CCDC175: variants seen among roughly 807,000 people sequenced by gnomAD.
CCDC175 encodes the protein coiled-coil domain containing 175.
Under a neutral mutation model 114.6 loss-of-function variants are expected in CCDC175, and 100 were observed. That is an observed-to-expected ratio of 0.87 (90% CI 0.74 to 1.03). CCDC175 has a LOEUF of 1.03. Ranked by LOEUF, CCDC175 falls within the 50% of genes least tolerant of loss-of-function variation. The pLI is 0.00. For synonymous variants in CCDC175, 306 were observed against 308.7 expected (o/e 0.99, Z 0.09); for missense variants, 880 against 917.8 (o/e 0.96, Z 0.53).
chr14:59,550,720 A>G (rs1299767219), intron 8 of CCDC175, among the ~76,000 whole-genome samples: 1 of 152,168 alleles, frequency 6.6e-6, no homozygotes, highest in African/African-American at 2.4e-5. Context: ...CCAGCATGGG[A>G]GAAAGATGTA....
At chr14:59,511,101 AC>A (rs1417714514) in intron 18 of CCDC175, among the ~76,000 whole-genome samples, 1 of 152,212 alleles carries the variant, frequency 6.6e-6, no homozygotes, top group South Asian at 2.1e-4. Context: ...TCAGAGAAGC[AC>A]AGAGCTGAAG....
At chr14:59,551,158 C>T (rs907404947) in intron 8 of CCDC175, 197 bp downstream of exon 8, 10 of 397,450 alleles carry the variant, frequency 2.5e-5, no homozygotes, top group Admixed American at 4.6e-5. Flanking sequence ...TTCCTCTGTA[C>T]ATGGACAACC....
chr14:59,554,226 T>C (rs1463480824), intron 7 of CCDC175, among the ~76,000 whole-genome samples: 3 of 152,228 alleles, frequency 2.0e-5, no homozygotes, highest in Admixed American at 1.3e-4. Flanking sequence ...TAAAGCAATC[T>C]TCAGCAAATG....
Position 59,538,158 on chromosome 14 carries a change from AT to A in CCDC175, c.1492-5del. On this transcript the variant is annotated splice_region_variant and splice_polypyrimidine_tract_variant and intron_variant, in intron 12 of 19. Coordinates refer to ENST00000537690, the MANE Select transcript of CCDC175 (RefSeq NM_001164399.2). ...TCTCCTGTTGTCTGAAACTGGTCTA[AT>A]TAGAGAAAAATAAGAATTTGTCATT... is the stretch of plus-strand genomic sequence containing the variant. 1 of 1,529,782 alleles carries A rather than the reference AT, an allele frequency of 6.5e-7. No individual in the cohort carries two copies. 94.8% of individuals were successfully genotyped at this position (1,529,782 alleles called of 1,614,324 possible). A position where few individuals can be genotyped will look rare whatever the true frequency, so the allele number is the denominator to read the frequency against.
chr14:59,523,323 A>C (rs909051744), intron 16 of CCDC175, among the ~76,000 whole-genome samples: 12 of 152,188 alleles, frequency 7.9e-5, no homozygotes, highest in African/African-American at 2.9e-4. Context: ...CTATTATGCC[A>C]TTTTAGTTTA....
In CCDC175 at chr14:59,527,137, A is replaced by G. The variant is rs17834184; in HGVS notation, c.1800T>C (p.Ile600=). The G allele has an allele frequency of 0.045, 67,136 of 1,496,292 alleles. 2,032 individuals carry two copies. Among genetic ancestry groups the G allele is most frequent in the African/African-American group, 0.1 (7,188 of 70,920 alleles). 92.7% of individuals were successfully genotyped at this position (1,496,292 alleles called of 1,614,324 possible). A position where few individuals can be genotyped will look rare whatever the true frequency, so the allele number is the denominator to read the frequency against. The change falls in exon 15 of 20, where the codon ATT becomes ATC. Residue 600 remains isoleucine, a synonymous_variant. Coordinates refer to ENST00000537690, the MANE Select transcript of CCDC175 (RefSeq NM_001164399.2). ...RQEEDLLNNH[I]FLFTRDFSRY... ...TTGAAAAGTCCCTTGTAAACAGAAA[A>G]ATGTGATTGTTCAGTAAATCTTCCT...
At position 59,550,922 on chromosome 14, in the gene CCDC175, C is replaced by T. The variant is rs1382496287; in HGVS notation, c.1035+433G>A. ...ACACCCAAGATCAATACTTTGCATCCTTTGATCTAGTCAAGTTGACACTCA... is the reference window on the plus strand; with the variant it reads ...ACACCCAAGATCAATACTTTGCATCTTTTGATCTAGTCAAGTTGACACTCA... On this transcript the variant is annotated intron_variant, in intron 8 of 19. Transcript: ENST00000537690. 2.0e-5 allele frequency among the ~76,000 whole-genome samples: 3 copies of T among 152,302 alleles called. No individual in the cohort carries two copies. In the East Asian group the frequency reaches 5.8e-4, roughly 29 times the overall value.
chr14:59,524,366 CCT>C (rs1893612614), intron 16 of CCDC175, among the ~76,000 whole-genome samples: 1 of 151,984 alleles, frequency 6.6e-6, no homozygotes, highest in South Asian at 2.1e-4. Context: ...TGAACAAATT[CCT>C]CTGCTATAAA....
At chr14:59,511,108 T>C (rs1476575250) in intron 18 of CCDC175, among the ~76,000 whole-genome samples, 1 of 151,904 alleles carries the variant, frequency 6.6e-6, no homozygotes, top group African/African-American at 2.4e-5. Context: ...AGCACAGAGC[T>C]GAAGAGATTC....
chr14:59,515,683 T>G (rs1032895473), intron 17 of CCDC175, among the ~76,000 whole-genome samples: 2 of 152,140 alleles, frequency 1.3e-5, no homozygotes, highest in Non-Finnish European at 2.9e-5. Flanking sequence ...CTTAGAGACC[T>G]GGAAAGAGAC....
chr14:59,575,505 C>CTT (rs58872671), intron 1 of CCDC175, among the ~76,000 whole-genome samples: 31 of 98,388 alleles, frequency 3.2e-4, no homozygotes, highest in Middle Eastern at 5.6e-3. Context: ...GGTAACATTC[C>CTT]TTTTTTTTTT....
At position 59,544,468 on chromosome 14, in the gene CCDC175, T is replaced by C. The variant is rs1397987036; in HGVS notation, c.1172+695A>G. ...AGCTATTGATAGGAAGCTGCCTGTA[T>C]CAGAAAGTATTTTATCTAAGTGACT... On this transcript the variant is annotated intron_variant, in intron 9 of 19. Transcript: ENST00000537690. Among the ~76,000 whole-genome samples, 6 of 152,260 alleles carry C rather than the reference T, an allele frequency of 3.9e-5. No homozygotes were observed. The East Asian group carries it at 1.2e-3, about 29-fold the overall frequency.
chr14:59,532,017 T>C, intron 13 of CCDC175, 107 bp from the exon 14 acceptor site: 1 of 613,708 alleles, frequency 1.6e-6, no homozygotes, highest in Non-Finnish European at 2.8e-6. Flanking sequence ...TCTGTCTTGG[T>C]CTCCTATCCT....
At chr14:59,569,525 AT>A (rs1157914290) in intron 3 of CCDC175, among the ~76,000 whole-genome samples, 6 of 152,336 alleles carry the variant, frequency 3.9e-5, no homozygotes, top group African/African-American at 1.4e-4. Context: ...CTATTATGGT[AT>A]TTTCCCCCTT....
At chr14:59,527,069 A>G (rs1893785744) in intron 15 of CCDC175, 26 bp downstream of exon 15, 4 of 1,228,842 alleles carry the variant, frequency 3.3e-6, no homozygotes, top group Middle Eastern at 1.9e-4. Flanking sequence ...ATAATAAAAA[A>G]AAGAATTAAT....
intron 7 of CCDC175, among the ~76,000 whole-genome samples, chr14:59,552,184 T>G (rs1283986974): frequency 6.6e-6 from 1 of 152,250 alleles, no homozygotes; most frequent in East Asian, 1.9e-4. Context: ...AGTGGGTCCC[T>G]GACCCCCGAG....
intron 17 of CCDC175, among the ~76,000 whole-genome samples, chr14:59,517,356 A>G (rs1893152927): frequency 6.6e-6 from 1 of 152,224 alleles, no homozygotes; most frequent in Non-Finnish European, 1.5e-5. Context: ...AGGGTATTCA[A>G]TTAGCAAAAG....
At chr14:59,548,664 C>T (rs1566621186) in intron 8 of CCDC175, among the ~76,000 whole-genome samples, 2 of 152,280 alleles carry the variant, frequency 1.3e-5, no homozygotes, top group East Asian at 1.9e-4. Context: ...ATTTTGCTCA[C>T]AAAATGAAAG....
At chr14:59,568,874 T>G (rs1248755439) in intron 3 of CCDC175, among the ~76,000 whole-genome samples, 1 of 152,212 alleles carries the variant, frequency 6.6e-6, no homozygotes, top group Non-Finnish European at 1.5e-5. Flanking sequence ...TTAGTTTCAG[T>G]TAGCAGCAGC....
Sources: allele counts gnomAD v4.1 joint callset (sites outside exome capture counted in the v4.1 genomes callset), GRCh38; gene constraint gnomAD v4.1.1; transcripts MANE v1.5; gene names NCBI Gene and HGNC (gene_info 2026-07-23, HGNC 2026-07-21).